Variants in PDE3B observed in about 807,000 individuals in gnomAD.
The protein encoded by PDE3B is cGMP-inhibited 3',5'-cyclic phosphodiesterase 3B.
A neutral mutation model predicts 116.8 loss-of-function variants in PDE3B; 66 were observed. The observed-to-expected ratio is 0.56, with a 90% CI of 0.46 to 0.69. The LOEUF (loss-of-function observed/expected upper bound fraction) is 0.69. PDE3B is among the 30% of genes least tolerant of loss of function. The probability of loss-of-function intolerance (pLI) is 0.00; values close to 1 mark genes in which losing one functional copy is unlikely to be tolerated. For synonymous variants in PDE3B, 595 were observed against 533.6 expected (o/e 1.12, Z -1.59); for missense variants, 1,384 against 1,368.1 (o/e 1.01, Z -0.18).
At chr11:14,734,079 CT>C (rs1204121564) in intron 1 of PDE3B, among the ~76,000 whole-genome samples, 2 of 152,140 alleles carry the variant, frequency 1.3e-5, no homozygotes, top group Admixed American at 6.5e-5. Context: ...TGAGTGTTTT[CT>C]TTTTTTCTTG....
Position 14,861,297 on chromosome 11 carries a change from T to G in PDE3B, c.2817T>G (p.Asn939Lys). 1 of 1,613,898 alleles carries G rather than the reference T, an allele frequency of 6.2e-7. No individual in the cohort carries two copies. The highest frequency in any genetic ancestry group is 8.5e-7 in the Non-Finnish European group (1 of 1,179,816). Residue 939 changes from asparagine (N) to lysine (K), a missense_variant, in exon 14 of 16, where the codon AAT (asparagine) becomes AAG (lysine). Coordinates refer to ENST00000282096, the MANE Select transcript of PDE3B (RefSeq NM_000922.4). ...CQVCIKLADI[N>K]GPAKVRDLHL... ...TGTGCATCAAACTGGCAGATATAAA[T>G]GGCCCAGCAAAAGTTCGAGACTTGC...
chr11:14,861,987 T>C (rs1362224000), intron 14 of PDE3B, among the ~76,000 whole-genome samples: 2 of 152,204 alleles, frequency 1.3e-5, no homozygotes, highest in East Asian at 3.9e-4. Context: ...ATTGTACTCA[T>C]GCTCACTTGA....
At chr11:14,654,112 T>C (rs141690959) in intron 1 of PDE3B, among the ~76,000 whole-genome samples, 16 of 152,100 alleles carry the variant, frequency 1.1e-4, no homozygotes, top group African/African-American at 3.9e-4. Context: ...GAAAAGGGGA[T>C]AATAAAATGG....
rs113061740 is a variant in PDE3B, at chr11:14,794,173, C to T, written c.1415+4931C>T. ...AGAAAAACAAACTCAATTTCTTCCA[C>T]CATACTCTGACAGCACATTTCTGAT... is the stretch of plus-strand genomic sequence containing the variant. On this transcript the variant is annotated intron_variant, in intron 4 of 15. Transcript: ENST00000282096. Among the ~76,000 whole-genome samples the T allele has an allele frequency of 5.7e-3, 875 of 152,294 alleles. 10 individuals carry two copies. Among genetic ancestry groups the T allele is most frequent in the African/African-American group, 0.02 (846 of 41,562 alleles).
At chr11:14,769,795 ATT>A (rs565891950) in intron 1 of PDE3B, among the ~76,000 whole-genome samples, 87 of 133,846 alleles carry the variant, frequency 6.5e-4, no homozygotes, top group Non-Finnish European at 6.9e-4. Flanking sequence ...AATTTTCAAG[ATT>A]TTTTTTTTTT....
chr11:14,842,392 T>C (rs1438205610), intron 11 of PDE3B, among the ~76,000 whole-genome samples: 1 of 152,184 alleles, frequency 6.6e-6, no homozygotes, highest in Admixed American at 6.5e-5. Flanking sequence ...AAAGGAAATA[T>C]TTTGCCATGT....
At chr11:14,840,031 T>C (rs1371472535) in intron 11 of PDE3B, among the ~76,000 whole-genome samples, 1 of 152,228 alleles carries the variant, frequency 6.6e-6, no homozygotes, top group African/African-American at 2.4e-5. Context: ...TCATGACTTC[T>C]GAGTACTATT....
chr11:14,712,747 T>A (rs999528564), intron 1 of PDE3B, among the ~76,000 whole-genome samples: 8 of 152,194 alleles, frequency 5.3e-5, no homozygotes, highest in African/African-American at 1.9e-4. Context: ...AGTGTTGGGA[T>A]TACAGGCATG....
chr11:14,696,885 G>A (rs1482187348), intron 1 of PDE3B, among the ~76,000 whole-genome samples: 1 of 152,024 alleles, frequency 6.6e-6, no homozygotes, highest in African/African-American at 2.4e-5. Context: ...TTTGCCTACA[G>A]GAAGATCACA....
chr11:14,840,477 C>T (rs1284480657), intron 11 of PDE3B, among the ~76,000 whole-genome samples: 2 of 152,140 alleles, frequency 1.3e-5, no homozygotes, highest in Non-Finnish European at 2.9e-5. Flanking sequence ...TGAGTTGCTC[C>T]TAAAAGCACA....
intron 7 of PDE3B, among the ~76,000 whole-genome samples, chr11:14,821,078 G>A (rs774850842): frequency 1.3e-5 from 2 of 152,224 alleles, no homozygotes; most frequent in African/African-American, 4.8e-5. Context: ...TGCAGTCAGT[G>A]CAGTCAGATA....
At chr11:14,746,741 A>G (rs1856919246) in intron 1 of PDE3B, among the ~76,000 whole-genome samples, 1 of 152,224 alleles carries the variant, frequency 6.6e-6, no homozygotes, top group Non-Finnish European at 1.5e-5. Flanking sequence ...AAAATGGAAT[A>G]GTGGCAAGAG....
In PDE3B at chr11:14,696,510, G is replaced by T. The variant is rs79273203; in HGVS notation, c.978+51457G>T. Among the ~76,000 whole-genome samples the T allele has an allele frequency of 8.1e-4, 123 of 152,178 alleles. No homozygotes were observed. In the East Asian group the frequency reaches 0.022, roughly 27 times the overall value. On this transcript the variant is annotated intron_variant, in intron 1 of 15. Transcript: ENST00000282096. ...GGGAGGTGTATATTTGTGTATCATT[G>T]TCATTTTAATTTGCATTTCTATGGT...
chr11:14,782,224 A>G (rs775692150), intron 2 of PDE3B, among the ~76,000 whole-genome samples: 5 of 152,238 alleles, frequency 3.3e-5, no homozygotes, highest in Admixed American at 6.5e-5. Flanking sequence ...CCAACAAGCT[A>G]GCATTGACTT....
In PDE3B at chr11:14,644,782, G is replaced by A. The variant is rs1396766788; in HGVS notation, c.707G>A (p.Ser236Asn). Residue 236 changes from serine (S) to asparagine (N), a missense_variant, in exon 1 of 16, where the codon AGC becomes AAC. By Grantham distance (46) the Ser-to-Asn change is conservative. Coordinates refer to ENST00000282096, the MANE Select transcript of PDE3B (RefSeq NM_000922.4). ...ASFVWWVSFT[S>N]LGSLPSALRP... ...TTCGTCTGGTGGGTCTCCTTCACCA[G>A]CCTCGGGTCGCTGCCCTCCGCCCTC... 1.2e-6 allele frequency: 2 copies of A among 1,608,964 alleles called. No homozygotes were observed. The highest frequency in any genetic ancestry group is 1.7e-6 in the Non-Finnish European group (2 of 1,178,044).
intron 1 of PDE3B, among the ~76,000 whole-genome samples, chr11:14,664,936 A>T (rs1854079161): frequency 6.6e-6 from 1 of 152,242 alleles, no homozygotes; most frequent in African/African-American, 2.4e-5. Context: ...CATCATCCTG[A>T]TACCAAAGCC....
chr11:14,791,113 A>G (rs1399930034), intron 4 of PDE3B, among the ~76,000 whole-genome samples: 2 of 152,130 alleles, frequency 1.3e-5, no homozygotes, highest in Non-Finnish European at 2.9e-5. Flanking sequence ...TTTTGTAGAC[A>G]TATGTGACAT....
Position 14,644,345 on chromosome 11 carries a change from C to G in PDE3B, c.270C>G (p.Leu90=), listed in dbSNP as rs903288642. The G allele has an allele frequency of 6.3e-7, 1 of 1,587,236 alleles. No individual in the cohort carries two copies. The highest frequency in any genetic ancestry group is 8.5e-7 in the Non-Finnish European group (1 of 1,170,130). Residue 90 remains leucine, a synonymous_variant, in exon 1 of 16, where the codon CTC becomes CTG. Coordinates refer to ENST00000282096, the MANE Select transcript of PDE3B (RefSeq NM_000922.4). ...TGGGCGCCCTGGCTGCCTTTGTCCTCGCCCTGCTGCTGGGCGCGGAACCCG... is the reference window on the plus strand; with the variant it reads ...TGGGCGCCCTGGCTGCCTTTGTCCTGGCCCTGCTGCTGGGCGCGGAACCCG... ...LSLGALAAFV[L]ALLLGAEPES... is the part of the protein sequence containing the mutation.
chr11:14,676,381 G>A (rs1184774189), intron 1 of PDE3B, among the ~76,000 whole-genome samples: 1 of 152,106 alleles, frequency 6.6e-6, no homozygotes, highest in African/African-American at 2.4e-5. Context: ...AACCTGTACA[G>A]CATGTTACTG....
Sources: allele counts gnomAD v4.1 joint callset (sites outside exome capture counted in the v4.1 genomes callset), GRCh38; gene constraint gnomAD v4.1.1; transcripts MANE v1.5; gene names NCBI Gene and HGNC (gene_info 2026-07-23, HGNC 2026-07-21).